The following MIER3 variants were observed in gnomAD, a reference collection of about 807,000 sequenced individuals.
The protein encoded by MIER3 is MIER family member 3, also known as mesoderm induction early response protein 3.
MIER3 carries 9 observed loss-of-function variants against 63.2 expected under a neutral mutation model. The ratio of observed to expected loss-of-function variants is 0.14; its 90% CI spans 0.09 to 0.25. MIER3 has a LOEUF of 0.25. Among genes scored for constraint, MIER3 ranks in the 10% least tolerant of loss-of-function variants. The probability of loss-of-function intolerance (pLI) is 1.00; values close to 1 mark genes in which losing one functional copy is unlikely to be tolerated. For missense variants in MIER3, 512 were observed against 666.2 expected (o/e 0.77, Z 2.55); for synonymous variants, 205 against 224.9 (o/e 0.91, Z 0.79).
At chr5:56,950,181 T>C (rs946783445) in intron 2 of MIER3, among the ~76,000 whole-genome samples, 6 of 152,148 alleles carry the variant, frequency 3.9e-5, no homozygotes, top group Admixed American at 6.5e-5. Context: ...ACACAACTCA[T>C]AGACATTTAA....
rs1217065621 is a variant in MIER3 at position 56,930,674 on chromosome 5, C to T, written c.819G>A (p.Lys273=). The T allele has an allele frequency of 1.9e-6, 3 of 1,613,694 alleles. No individual in the cohort carries two copies. The highest frequency in any genetic ancestry group is 4.5e-5 in the East Asian group (2 of 44,870). ...EAIERYCCNG[K]ASQEGMTAWT... ...CCAAGTGTTTCTTACCTTGAGAGGC[C>T]TTTCCATTGCAGCAGTATCTTTCGA... is the stretch of plus-strand genomic sequence containing the variant. The change falls in exon 9 of 13, where the codon AAG becomes AAA. Residue 273 remains lysine (K), a synonymous_variant. Coordinates refer to ENST00000381199, the MANE Select transcript of MIER3 (RefSeq NM_001297599.2).
At chr5:56,929,700 G>A (rs920599940) in intron 9 of MIER3, 5 of 152,216 alleles carry the variant, frequency 3.3e-5, no homozygotes, top group African/African-American at 1.2e-4. Flanking sequence ...AACAGTCCAT[G>A]CTCTCAAAAT....
At chr5:56,945,995 C>T (rs1190752601) in intron 3 of MIER3, among the ~76,000 whole-genome samples, 1 of 152,128 alleles carries the variant, frequency 6.6e-6, no homozygotes, top group African/African-American at 2.4e-5. Context: ...ATAGAGACCA[C>T]ATGTATACAG....
At chr5:56,933,216 GGCT>G (rs1750333119) in intron 8 of MIER3, 28 bp downstream of exon 8, 1 of 1,540,712 alleles carries the variant, frequency 6.5e-7, no homozygotes, top group Admixed American at 2.0e-5. Context: ...ACTGTAAACT[GGCT>G]GCTGTTTCAA....
Position 56,919,869 on chromosome 5 carries a change from C to CT in MIER3, c.*3258dup, listed in dbSNP as rs1554039797. ...ATATCTACCATATTTAACAATAAAACTAATAGTTTCCTCCATTTAGTGAAA... is the reference window on the plus strand; with the variant it reads ...ATATCTACCATATTTAACAATAAAACTTAATAGTTTCCTCCATTTAGTGAAA... On this transcript the variant is annotated 3_prime_UTR_variant, in exon 13 of 13. Coordinates refer to ENST00000381199, the MANE Select transcript of MIER3 (RefSeq NM_001297599.2). The CT allele has an allele frequency of 6.6e-6, 1 of 152,516 alleles. No homozygotes were observed. Among genetic ancestry groups the CT allele is most frequent in the Admixed American group, 6.6e-5 (1 of 15,264 alleles). 9.4% of individuals were successfully genotyped at this position (152,516 alleles called of 1,614,324 possible).
chr5:56,945,576 T>C (rs1334084311), intron 3 of MIER3, among the ~76,000 whole-genome samples: 1 of 152,230 alleles, frequency 6.6e-6, no homozygotes, highest in Non-Finnish European at 1.5e-5. Context: ...TTAGTATGTT[T>C]AGTAACTAAA....
chr5:56,945,710 C>T (rs1750803730), intron 3 of MIER3, among the ~76,000 whole-genome samples: 1 of 152,092 alleles, frequency 6.6e-6, no homozygotes, highest in Non-Finnish European at 1.5e-5. Context: ...ACATTACAGT[C>T]AACACACAAC....
chr5:56,938,906 G>A lies in MIER3; in HGVS notation c.292C>T (p.Leu98=), dbSNP rs1272476577. ...ACTTTGTCTAGTGTCATGTCTGGTA[G>A]TTCATCTGCCAGTTCACTTGGGGAA... The part of the protein sequence containing the change: ...NSSPSELADE[L]PDMTLDKEEI... Residue 98 remains leucine, a synonymous_variant, in exon 4 of 13, where the codon CTA becomes TTA. Transcript: ENST00000381199. 5 of 1,614,036 alleles carry A rather than the reference G, an allele frequency of 3.1e-6. No homozygotes were observed. Among genetic ancestry groups the A allele is most frequent in the Non-Finnish European group, 3.4e-6 (4 of 1,179,938 alleles).
At chr5:56,935,065 G>T (rs772147846) in intron 7 of MIER3, among the ~76,000 whole-genome samples, 1 of 152,220 alleles carries the variant, frequency 6.6e-6, no homozygotes, top group African/African-American at 2.4e-5. Flanking sequence ...TTTCTTTCCA[G>T]AAGATTATAT....
chr5:56,933,720 G>A (rs936177975), intron 7 of MIER3, among the ~76,000 whole-genome samples: 1 of 152,028 alleles, frequency 6.6e-6, no homozygotes, highest in African/African-American at 2.4e-5. Flanking sequence ...CTAATGAAGG[G>A]GCAAAAATAA....
rs1749690582 is a variant in MIER3 at position 56,921,885 on chromosome 5, A to G, written c.*1243T>C. 4 of 152,778 alleles carry G rather than the reference A, an allele frequency of 2.6e-5. No homozygotes were observed. In the South Asian group the frequency reaches 8.3e-4, roughly 32 times the overall value. The allele number at this position is 152,778 out of a possible 1,614,324, so 9.5% of individuals were successfully genotyped here. Reference sequence around the variant, plus strand: ...TTATAACTTAAAAATGCATGTTTATAGCACAAAAATGGCCAAAGTTTAGGA... The same window carrying G: ...TTATAACTTAAAAATGCATGTTTATGGCACAAAAATGGCCAAAGTTTAGGA... On this transcript the variant is annotated 3_prime_UTR_variant, in exon 13 of 13. Coordinates refer to ENST00000381199, the MANE Select transcript of MIER3 (RefSeq NM_001297599.2).
rs371330780 is a variant in MIER3, at chr5:56,923,897, C to T, written c.1052+18G>A. 14 of 1,613,848 alleles carry T rather than the reference C, an allele frequency of 8.7e-6. No homozygotes were observed. In the African/African-American group the frequency reaches 1.7e-4, roughly 20 times the overall value. ...ACAGTTAAAAGTAAGTCTTTGAAGG[C>T]AAGGCCACAGTACTTACGTAACTCC... On this transcript the variant is annotated intron_variant, in intron 11 of 12. Transcript: ENST00000381199.
At chr5:56,939,196 A>G (rs1579855121) in intron 3 of MIER3, among the ~76,000 whole-genome samples, 179 bp from the exon 4 acceptor site, 2 of 152,270 alleles carry the variant, frequency 1.3e-5, no homozygotes. Context: ...ACCTGGAGCT[A>G]TAATTAATGT....
At chr5:56,928,178 T>C (rs941800618) in intron 10 of MIER3, 1 of 152,236 alleles carries the variant, frequency 6.6e-6, no homozygotes, top group South Asian at 2.1e-4. Context: ...TAAACACTTT[T>C]GTGTGGACAT....
At chr5:56,939,857 G>A (rs924581713) in intron 3 of MIER3, among the ~76,000 whole-genome samples, 1 of 152,166 alleles carries the variant, frequency 6.6e-6, no homozygotes, top group Non-Finnish European at 1.5e-5. Flanking sequence ...GCTGTGGTAG[G>A]AATAATATGC....
chr5:56,921,594 T>C lies in MIER3; in HGVS notation c.*1534A>G, dbSNP rs773215616. 6.6e-6 allele frequency: 1 copy of C among 152,608 alleles called. No individual in the cohort carries two copies. Among genetic ancestry groups the C allele is most frequent in the African/African-American group, 2.4e-5 (1 of 41,450 alleles). 9.5% of individuals were successfully genotyped at this position (152,608 alleles called of 1,614,324 possible). On this transcript the variant is annotated 3_prime_UTR_variant, in exon 13 of 13. Transcript: ENST00000381199. Reference sequence around the variant, plus strand: ...ACATCATCCAAAACTAAGGATGTCATTGCAGTTCACAGTTTGTATAATAAA... The same window carrying C: ...ACATCATCCAAAACTAAGGATGTCACTGCAGTTCACAGTTTGTATAATAAA...
rs1053879558 is a variant in MIER3 at position 56,928,696 on chromosome 5, A to G, written c.924+71T>C. On this transcript the variant is annotated intron_variant, in intron 10 of 12. Transcript: ENST00000381199. ...GTAAGTTGTTCTTTTTTCCTACTTA[A>G]GTGACTTATAAATTAGTTGCTTACA... 40 of 1,075,536 alleles carry G rather than the reference A, an allele frequency of 3.7e-5. No homozygotes were observed. The African/African-American group carries it at 4.8e-4, about 13-fold the overall frequency. 66.6% of individuals were successfully genotyped at this position (1,075,536 alleles called of 1,614,324 possible). A position where few individuals can be genotyped will look rare whatever the true frequency, so the allele number is the denominator to read the frequency against.
intron 2 of MIER3, among the ~76,000 whole-genome samples, chr5:56,949,655 T>C (rs1750949360): frequency 1.3e-5 from 2 of 152,216 alleles, no homozygotes; most frequent in Admixed American, 1.3e-4. Context: ...GTGGAGCAGA[T>C]ACAAAAAGTA....
rs531808273 is a variant in MIER3, at chr5:56,946,874, A to G, written c.180+52T>C. On this transcript the variant is annotated intron_variant, in intron 3 of 12. Coordinates refer to ENST00000381199, the MANE Select transcript of MIER3 (RefSeq NM_001297599.2). ...TCAGGTAGATTATTTTTAAAATTAC[A>G]ACAGAATTTCAAAATCTTTGTTAAG... 17 of 1,296,006 alleles carry G rather than the reference A, an allele frequency of 1.3e-5. 1 individual carries two copies. In the Admixed American group the frequency reaches 5.3e-4, roughly 40 times the overall value. 80.3% of individuals were successfully genotyped at this position (1,296,006 alleles called of 1,614,324 possible). A position where few individuals can be genotyped will look rare whatever the true frequency, so the allele number is the denominator to read the frequency against.
Sources: gnomAD v4.1 joint callset for allele counts (sites outside exome capture counted in the v4.1 genomes callset) on GRCh38, gnomAD v4.1.1 for gene constraint, MANE v1.5 for transcripts, NCBI Gene and HGNC (gene_info 2026-07-23, HGNC 2026-07-21) for gene names.